The following JAM2 variants were observed in gnomAD, a reference collection of about 807,000 sequenced individuals.
The protein encoded by JAM2 is junctional adhesion molecule 2, also known as junctional adhesion molecule B.
A neutral mutation model predicts 42.0 loss-of-function variants in JAM2; 17 were observed. That is an observed-to-expected ratio of 0.40 (90% CI 0.28 to 0.61). The LOEUF (loss-of-function observed/expected upper bound fraction) is 0.61, where lower values mean the gene tolerates loss of function less well. Among genes scored for constraint, JAM2 ranks in the 20% least tolerant of loss-of-function variants. The probability of loss-of-function intolerance (pLI) is 0.37; values close to 1 mark genes in which losing one functional copy is unlikely to be tolerated. For synonymous variants in JAM2, 118 were observed against 128.6 expected (o/e 0.92, Z 0.56); for missense variants, 319 against 358.3 (o/e 0.89, Z 0.89).
At chr21:25,706,402 G>A (rs1601064149) in intron 7 of JAM2, among the ~76,000 whole-genome samples, 1 of 152,096 alleles carries the variant, frequency 6.6e-6, no homozygotes, top group Non-Finnish European at 1.5e-5. Context: ...GGCTGGTCTC[G>A]AACTCCTGGC....
chr21:25,655,350 A>ATT (rs751257378), intron 1 of JAM2, among the ~76,000 whole-genome samples: 7,423 of 100,158 alleles, frequency 0.074, 322 homozygotes, highest in Non-Finnish European at 0.09. Context: ...CTGAAATTCT[A>ATT]TTTTTTTTTT....
chr21:25,644,470 A>G (rs1239545733), intron 1 of JAM2, among the ~76,000 whole-genome samples: 2 of 151,652 alleles, frequency 1.3e-5, no homozygotes, highest in East Asian at 3.9e-4. Flanking sequence ...ACCTGTCCCC[A>G]CTCACGGCCC....
intron 1 of JAM2, among the ~76,000 whole-genome samples, chr21:25,668,873 T>C (rs142802651): frequency 1.3e-5 from 2 of 152,286 alleles, no homozygotes; most frequent in Non-Finnish European, 2.9e-5. Context: ...ACGTTAAGTG[T>C]AGAAAGCGTG....
At chr21:25,688,290 CCACACGCACG>C (rs897540046) in intron 2 of JAM2, among the ~76,000 whole-genome samples, 38 of 133,488 alleles carry the variant, frequency 2.8e-4, no homozygotes, top group African/African-American at 9.5e-4. Context: ...GTACACGCGC[CCACACGCACG>C]CACACACACA....
chr21:25,706,928 C>G (rs2034284331), intron 7 of JAM2, among the ~76,000 whole-genome samples: 1 of 151,816 alleles, frequency 6.6e-6, no homozygotes, highest in African/African-American at 2.4e-5. Flanking sequence ...TTAGTAGAGA[C>G]GGGGTTTCAT....
intron 9 of JAM2, 149 bp from the exon 10 acceptor site, chr21:25,714,491 C>G: frequency 1.6e-6 from 1 of 608,750 alleles, no homozygotes; most frequent in South Asian, 2.5e-5. Context: ...GAGCAAGATT[C>G]CATCTCAAAA....
At chr21:25,676,453 A>G (rs1017750219) in intron 1 of JAM2, among the ~76,000 whole-genome samples, 1 of 152,172 alleles carries the variant, frequency 6.6e-6, no homozygotes, top group African/African-American at 2.4e-5. Context: ...AAACCAGACT[A>G]TCTTAGATGA....
intron 1 of JAM2, among the ~76,000 whole-genome samples, chr21:25,677,866 A>T (rs1270761884): frequency 6.6e-6 from 1 of 152,222 alleles, no homozygotes; most frequent in African/African-American, 2.4e-5. Context: ...AAAGGAGACA[A>T]ACAGACTTTT....
chr21:25,655,350 A>ATTTTTTTTTTTTTTTTTTTT (rs751257378), intron 1 of JAM2, among the ~76,000 whole-genome samples: 1 of 100,238 alleles, frequency 1.0e-5, no homozygotes, highest in Admixed American at 1.1e-4. Context: ...CTGAAATTCT[A>ATTTTTTTTTTTTTTTTTTTT]TTTTTTTTTT....
At chr21:25,696,059 C>T (rs561806610) in intron 4 of JAM2, among the ~76,000 whole-genome samples, 3 of 152,282 alleles carry the variant, frequency 2.0e-5, no homozygotes, top group South Asian at 4.1e-4. Flanking sequence ...GAGGTTGTAG[C>T]GAGCCGAGAT....
At chr21:25,686,267 C>G (rs1415944779) in intron 2 of JAM2, among the ~76,000 whole-genome samples, 1 of 152,170 alleles carries the variant, frequency 6.6e-6, no homozygotes. Context: ...CTTGTTTCAT[C>G]TCACCTCTTT....
intron 1 of JAM2, among the ~76,000 whole-genome samples, chr21:25,674,191 C>T (rs574514421): frequency 5.3e-5 from 8 of 152,148 alleles, no homozygotes; most frequent in East Asian, 1.9e-4. Flanking sequence ...GTCAGGAGTT[C>T]GAGACCAGCC....
At chr21:25,650,491 A>T (rs566157799) in intron 1 of JAM2, among the ~76,000 whole-genome samples, 2 of 152,342 alleles carry the variant, frequency 1.3e-5, no homozygotes, top group Admixed American at 6.5e-5. Context: ...CAGGACAGCT[A>T]TCTAAAGATG....
chr21:25,640,237 A>G (rs532926820), intron 1 of JAM2, among the ~76,000 whole-genome samples: 78 of 152,322 alleles, frequency 5.1e-4, no homozygotes, highest in Middle Eastern at 6.8e-3. Context: ...ACCCACTGGT[A>G]AGATGCTAAG....
chr21:25,639,938 C>G, intron 1 of JAM2, 50 bp downstream of exon 1: 1 of 1,327,980 alleles, frequency 7.5e-7, no homozygotes, highest in Non-Finnish European at 1.0e-6. Flanking sequence ...AGCCTGCCCC[C>G]ACCCTCCAGC....
intron 1 of JAM2, among the ~76,000 whole-genome samples, chr21:25,664,750 T>G (rs2033176268): frequency 6.6e-6 from 1 of 152,202 alleles, no homozygotes; most frequent in Admixed American, 6.5e-5. Flanking sequence ...TGCTCTAAAT[T>G]ATATTCCTCC....
rs1442953576 is a variant in JAM2 at position 25,713,191 on chromosome 21, G to A, written c.864+809G>A. The stretch of plus-strand genomic sequence containing the variant: ...TTAGGTTTCAACATATGAATTTTGG[G>A]TGACACAAACATTCAGACCAGAGCA... On this transcript the variant is annotated intron_variant, in intron 9 of 9. Transcript: ENST00000480456. Among the ~76,000 whole-genome samples the A allele has an allele frequency of 2.0e-5, 3 of 152,128 alleles. No homozygotes were observed. The East Asian group carries it at 5.8e-4, about 29-fold the overall frequency.
chr21:25,663,507 A>C (rs1434029706), intron 1 of JAM2, among the ~76,000 whole-genome samples: 2 of 152,212 alleles, frequency 1.3e-5, no homozygotes, highest in Non-Finnish European at 2.9e-5. Flanking sequence ...GCCTTTAAGA[A>C]GTGATCGATT....
intron 1 of JAM2, among the ~76,000 whole-genome samples, chr21:25,679,676 A>C (rs1052935895): frequency 1.3e-5 from 2 of 152,170 alleles, no homozygotes; most frequent in Non-Finnish European, 2.9e-5. Flanking sequence ...TTGGTGTCCT[A>C]CTTTCCTAGA....
Sources: allele counts gnomAD v4.1 joint callset (sites outside exome capture counted in the v4.1 genomes callset), GRCh38; gene constraint gnomAD v4.1.1; transcripts MANE v1.5; gene names NCBI Gene and HGNC (gene_info 2026-07-23, HGNC 2026-07-21).